The following RPS6KA2 variants were observed in gnomAD, a reference collection of about 807,000 sequenced individuals.
RPS6KA2 encodes the protein ribosomal protein S6 kinase A2.
In RPS6KA2, 42 loss-of-function variants were observed where a neutral mutation model predicts 91.8. The ratio of observed to expected loss-of-function variants is 0.46; its 90% CI spans 0.36 to 0.59. The LOEUF is 0.59. RPS6KA2 is among the 20% of genes least tolerant of loss of function. RPS6KA2 has a pLI of 0.00. For missense variants in RPS6KA2, 798 were observed against 978.5 expected (o/e 0.82, Z 2.46); for synonymous variants, 414 against 393.6 (o/e 1.05, Z -0.61).
At chr6:166,714,450 A>G (rs962232857) in intron 2 of RPS6KA2, among the ~76,000 whole-genome samples, 3 of 152,196 alleles carry the variant, frequency 2.0e-5, no homozygotes, top group African/African-American at 7.2e-5. Flanking sequence ...TTGATGTCCT[A>G]ACCTCTGGAA....
At chr6:166,480,479 T>TTATATATATATATATA (rs3066214) in intron 10 of RPS6KA2, among the ~76,000 whole-genome samples, 79 of 99,814 alleles carry the variant, frequency 7.9e-4, no homozygotes, top group African/African-American at 1.4e-3. Context: ...GATTGTGATT[T>TTATATATATATATATA]TATATATATA....
At chr6:166,779,913 A>C (rs917818612) in intron 2 of RPS6KA2, among the ~76,000 whole-genome samples, 1 of 152,128 alleles carries the variant, frequency 6.6e-6, no homozygotes, top group Admixed American at 6.5e-5. Flanking sequence ...AGTGGCAAAC[A>C]CTGGGGTGGC....
intron 10 of RPS6KA2, among the ~76,000 whole-genome samples, chr6:166,484,938 GATA>G (rs1357289483): frequency 2.0e-5 from 3 of 152,242 alleles, no homozygotes; most frequent in Admixed American, 1.3e-4. Flanking sequence ...ATTCAAGTCA[GATA>G]ATGACTACCT....
intron 2 of RPS6KA2, chr6:166,702,755 C>G (rs1233864698): frequency 1.6e-6 from 2 of 1,232,002 alleles, no homozygotes; most frequent in East Asian, 4.7e-5. Flanking sequence ...GGTCCCGACA[C>G]GGGGATCTTG....
At chr6:166,488,788 A>G (rs1228648276) in intron 10 of RPS6KA2, 45 bp downstream of exon 10, 9 of 1,457,446 alleles carry the variant, frequency 6.2e-6, no homozygotes, top group Non-Finnish European at 8.6e-6. Context: ...CTTGCGGGGC[A>G]GCGCCCTGCA....
At chr6:166,481,994 C>G (rs1781240132) in intron 10 of RPS6KA2, among the ~76,000 whole-genome samples, 1 of 151,486 alleles carries the variant, frequency 6.6e-6, no homozygotes, top group Non-Finnish European at 1.5e-5. Context: ...ACGTATACCT[C>G]TCTGATCGAT....
chr6:166,602,612 C>T (rs1033686202), intron 1 of RPS6KA2, among the ~76,000 whole-genome samples: 8 of 152,314 alleles, frequency 5.3e-5, no homozygotes, highest in South Asian at 2.1e-4. Context: ...CATGCATACA[C>T]GAGATGACTC....
At chr6:166,565,667 G>C (rs3778399) in intron 1 of RPS6KA2, among the ~76,000 whole-genome samples, 2 of 152,194 alleles carry the variant, frequency 1.3e-5, no homozygotes, top group Non-Finnish European at 2.9e-5. Flanking sequence ...CTTGGACACC[G>C]GGGGCCAGTG....
At chr6:166,675,280 C>T (rs1788585668) in intron 2 of RPS6KA2, among the ~76,000 whole-genome samples, 1 of 152,180 alleles carries the variant, frequency 6.6e-6, no homozygotes, top group African/African-American at 2.4e-5. Context: ...GCCGGCCTCC[C>T]CTTCCCAGTG....
chr6:166,858,221 G>T, exon 2 of RPS6KA2: 1 of 1,545,030 alleles, frequency 6.5e-7, no homozygotes, highest in Non-Finnish European at 9.0e-7. Context: ...TGTCTTCTGT[G>T]GTGGGCTCCA....
intron 2 of RPS6KA2, among the ~76,000 whole-genome samples, chr6:166,800,385 G>A (rs1404215837): frequency 6.6e-6 from 1 of 152,188 alleles, no homozygotes; most frequent in Non-Finnish European, 1.5e-5. Context: ...CCACATCCAG[G>A]GCGCTGAATG....
Position 166,790,867 on chromosome 6 carries a change from T to TA in RPS6KA2, c.123+67332dup, listed in dbSNP as rs200535441. Among the ~76,000 whole-genome samples, 1,330 of 152,210 alleles carry TA rather than the reference T, an allele frequency of 8.7e-3. 24 individuals carry two copies. The highest frequency in any genetic ancestry group is 0.031 in the African/African-American group (1,277 of 41,516). On this transcript the variant is annotated intron_variant, in intron 2 of 21. Coordinates refer to the RPS6KA2 transcript ENST00000503859. ...CTAAAAGAGCTCCTGAAGGAAGCAC[T>TA]AAACATGGAAAGGAACAACCGGTAC...
intron 2 of RPS6KA2, among the ~76,000 whole-genome samples, chr6:166,802,436 G>A (rs1779390490): frequency 6.6e-6 from 1 of 152,154 alleles, no homozygotes; most frequent in Non-Finnish European, 1.5e-5. Flanking sequence ...AATAAGACCA[G>A]ATCTCGGATT....
chr6:166,513,043 A>G (rs3778428), intron 3 of RPS6KA2, among the ~76,000 whole-genome samples: 33,761 of 152,170 alleles, frequency 0.22, 4,282 homozygotes, highest in South Asian at 0.35. Flanking sequence ...GTCTTGAGCC[A>G]CACATAAAAT....
intron 2 of RPS6KA2, among the ~76,000 whole-genome samples, chr6:166,736,133 G>C (rs1374096660): frequency 6.6e-6 from 1 of 152,208 alleles, no homozygotes; most frequent in Non-Finnish European, 1.5e-5. Flanking sequence ...AAATCTACTT[G>C]TGTGATATTA....
intron 2 of RPS6KA2, among the ~76,000 whole-genome samples, chr6:166,835,884 A>G (rs6920936): frequency 0.68 from 103,762 of 152,078 alleles, 35,507 homozygotes; most frequent in Middle Eastern, 0.75. Context: ...ACTGTATCAT[A>G]TTGAGGATGT....
At chr6:166,578,440 AG>A (rs1211914748) in intron 1 of RPS6KA2, among the ~76,000 whole-genome samples, 1 of 152,216 alleles carries the variant, frequency 6.6e-6, no homozygotes, top group Admixed American at 6.5e-5. Context: ...CTGGGTGACC[AG>A]GGGCAAGCAC....
chr6:166,431,398 G>A (rs73269268), intron 15 of RPS6KA2, among the ~76,000 whole-genome samples: 6,193 of 152,202 alleles, frequency 0.041, 336 homozygotes, highest in African/African-American at 0.13. Context: ...CTGGCCCTCC[G>A]CATTTCTAAC....
chr6:166,630,030 C>T (rs901401779), upstream of RPS6KA2, among the ~76,000 whole-genome samples: 2 of 152,148 alleles, frequency 1.3e-5, no homozygotes, highest in African/African-American at 2.4e-5. Flanking sequence ...GAATGAGAAG[C>T]CAATTCTAAT....
Sources: gnomAD v4.1 joint callset for allele counts (sites outside exome capture counted in the v4.1 genomes callset) on GRCh38, gnomAD v4.1.1 for gene constraint, MANE v1.5 for transcripts, NCBI Gene and HGNC (gene_info 2026-07-23, HGNC 2026-07-21) for gene names.